EIF2AK1: variants seen among roughly 807,000 people sequenced by gnomAD.
The protein encoded by EIF2AK1 is eukaryotic translation initiation factor 2 alpha kinase 1.
Under a neutral mutation model 77.9 loss-of-function variants are expected in EIF2AK1, and 54 were observed. The ratio of observed to expected loss-of-function variants is 0.69; its 90% CI spans 0.56 to 0.87. EIF2AK1 has a LOEUF of 0.87. Among genes scored for constraint, EIF2AK1 ranks in the 40% least tolerant of loss-of-function variants. The probability of loss-of-function intolerance (pLI) is 0.00; values close to 1 mark genes in which losing one functional copy is unlikely to be tolerated. For synonymous variants in EIF2AK1, 314 were observed against 290.5 expected (o/e 1.08, Z -0.82); for missense variants, 810 against 768.6 (o/e 1.05, Z -0.64).
chr7:6,040,802 C>G, intron 9 of EIF2AK1, 90 bp downstream of exon 9: 1 of 1,094,124 alleles, frequency 9.1e-7, no homozygotes, highest in Non-Finnish European at 1.3e-6. Context: ...AGGGCAGAAG[C>G]GCCAGAGCTG....
intron 2 of EIF2AK1, among the ~76,000 whole-genome samples, chr7:6,053,106 G>A (rs1405037596): frequency 6.6e-6 from 1 of 152,086 alleles, no homozygotes; most frequent in African/African-American, 2.4e-5. Flanking sequence ...ATTGAAGTAG[G>A]GAAATCATTA....
Position 6,027,966 on chromosome 7 carries a change from G to A in EIF2AK1, c.1530+649C>T, listed in dbSNP as rs2128885049. On this transcript the variant is annotated intron_variant, in intron 13 of 14. Coordinates refer to ENST00000199389, the MANE Select transcript of EIF2AK1 (RefSeq NM_014413.4). The surrounding 1 kb of genome is among the most constrained non-coding windows in gnomAD (Gnocchi z 4.5). ...AAGTCACAGTTACATGGGAGGCTGA[G>A]GTGGGAGGATCACTTGAGCCCAGGA... 2.2e-6 allele frequency: 1 copy of A among 454,088 alleles called. No homozygotes were observed. The highest frequency in any genetic ancestry group is 4.4e-6 in the Non-Finnish European group (1 of 226,064). The allele number at this position is 454,088 out of a possible 1,614,324, so 28.1% of individuals were successfully genotyped here. A position where few individuals can be genotyped will look rare whatever the true frequency, so the allele number is the denominator to read the frequency against.
chr7:6,026,552 C>T, intron 14 of EIF2AK1, 176 bp downstream of exon 14: 1 of 713,994 alleles, frequency 1.4e-6, no homozygotes, highest in South Asian at 1.5e-5. Flanking sequence ...GTCCTGCCAG[C>T]ACACCCTGCA....
Position 6,059,122 on chromosome 7 carries a change from A to G in EIF2AK1, c.-39T>C, listed in dbSNP as rs943402384. 3 of 1,278,870 alleles carry G rather than the reference A, an allele frequency of 2.3e-6. No individual in the cohort carries two copies. In the African/African-American group the frequency reaches 4.7e-5, roughly 20 times the overall value. 79.2% of individuals were successfully genotyped at this position (1,278,870 alleles called of 1,614,324 possible). Reference sequence around the variant, plus strand: ...CGGGCCGCAGCCCAGCCCGCCGGCCAGCCCAGCACTGCCACACTCCGATGC... The same window carrying G: ...CGGGCCGCAGCCCAGCCCGCCGGCCGGCCCAGCACTGCCACACTCCGATGC... On this transcript the variant is annotated 5_prime_UTR_variant, in exon 1 of 15. Coordinates refer to ENST00000199389, the MANE Select transcript of EIF2AK1 (RefSeq NM_014413.4).
In EIF2AK1 at chr7:6,050,127, G is replaced by A. The variant is rs926551494; in HGVS notation, c.278-82C>T. ...TTAAAGTGTACACAGAGAATAACGT[G>A]TAATAATAGCAATATATACAAAAAC... is the stretch of plus-strand genomic sequence containing the variant. On this transcript the variant is annotated intron_variant, in intron 2 of 14. Coordinates refer to ENST00000199389, the MANE Select transcript of EIF2AK1 (RefSeq NM_014413.4). 5.4e-6 allele frequency: 6 copies of A among 1,115,894 alleles called. No homozygotes were observed. In the East Asian group the frequency reaches 1.0e-4, roughly 19 times the overall value. 69.1% of individuals were successfully genotyped at this position (1,115,894 alleles called of 1,614,324 possible). A position where few individuals can be genotyped will look rare whatever the true frequency, so the allele number is the denominator to read the frequency against.
chr7:6,048,045 T>C (rs1169718216), intron 4 of EIF2AK1: 1 of 152,190 alleles, frequency 6.6e-6, no homozygotes, highest in Non-Finnish European at 1.5e-5. Context: ...CTTAATGATG[T>C]AGACCAATTA....
At chr7:6,028,793 C>G in intron 12 of EIF2AK1, 96 bp from the exon 13 acceptor site, 1 of 1,418,438 alleles carries the variant, frequency 7.1e-7, no homozygotes, top group Admixed American at 1.8e-5. Context: ...CCTAAGAGAA[C>G]AACAGTTGCT....
chr7:6,023,525 G>A lies in EIF2AK1; in HGVS notation c.*1148C>T, dbSNP rs1490291771. The A allele has an allele frequency of 6.2e-7, 1 of 1,614,104 alleles. No homozygotes were observed. The highest frequency in any genetic ancestry group is 1.7e-5 in the Admixed American group (1 of 59,998). The stretch of plus-strand genomic sequence containing the variant: ...TCCATGAACTCTGCTCTTGGGAAGA[G>A]CCCTTGGCTCGCTGGGAATGAACTC... On this transcript the variant is annotated 3_prime_UTR_variant, in exon 15 of 15. Transcript: ENST00000199389.
chr7:6,024,690 C>T lies in EIF2AK1; in HGVS notation c.1876G>A (p.Asp626Asn), dbSNP rs761183364. The T allele has an allele frequency of 1.9e-6, 3 of 1,613,598 alleles. No homozygotes were observed. The South Asian group carries it at 3.3e-5, about 18-fold the overall frequency. ...GTCCACTTTCATCCCACGCCCCCAT[C>T]CTTTCCGTCATCCCTCACCCCTTTG... ...QDKGVRDDGK[D>N]GGVG is the part of the protein sequence containing the mutation. Residue 626 changes from aspartate to asparagine, a missense_variant, in exon 15 of 15, where the codon GAT becomes AAT. Transcript: ENST00000199389.
chr7:6,054,761 C>A, intron 1 of EIF2AK1, 57 bp from the exon 2 acceptor site: 1 of 1,476,946 alleles, frequency 6.8e-7, no homozygotes, highest in South Asian at 1.2e-5. Context: ...CTCATAATGA[C>A]AAAACCGTAT....
At chr7:6,055,800 G>T (rs113021284) in intron 1 of EIF2AK1, among the ~76,000 whole-genome samples, 3,956 of 151,170 alleles carry the variant, frequency 0.026, 183 homozygotes, top group African/African-American at 0.092. Context: ...GGCCAACATG[G>T]AGAAACCCTG....
At position 6,042,377 on chromosome 7, in the gene EIF2AK1, G is replaced by T. The variant is rs1287246764; in HGVS notation, c.791+556C>A. ...AAGTCAGGAGGATCGCTTAAACCTG[G>T]GAGGCAGAGGTTGCAGTGAGCTGAG... On this transcript the variant is annotated intron_variant, in intron 8 of 14. Coordinates refer to ENST00000199389, the MANE Select transcript of EIF2AK1 (RefSeq NM_014413.4). 2.6e-5 allele frequency among the ~76,000 whole-genome samples: 4 copies of T among 151,828 alleles called. No individual in the cohort carries two copies. The East Asian group carries it at 7.7e-4, about 29-fold the overall frequency.
intron 4 of EIF2AK1, among the ~76,000 whole-genome samples, chr7:6,048,498 C>A (rs1397870437): frequency 6.6e-6 from 1 of 152,086 alleles, no homozygotes; most frequent in Non-Finnish European, 1.5e-5. Flanking sequence ...TTAGGTCAGA[C>A]CAGTTAGATT....
intron 14 of EIF2AK1, among the ~76,000 whole-genome samples, chr7:6,026,099 C>G (rs531381081): frequency 6.6e-6 from 1 of 152,216 alleles, no homozygotes; most frequent in South Asian, 2.1e-4. Flanking sequence ...CTGTGTACTG[C>G]GCAGGGAATG....
Position 6,027,964 on chromosome 7 carries a change from G to A in EIF2AK1, c.1530+651C>T. ...TGAAGTCACAGTTACATGGGAGGCT[G>A]AGGTGGGAGGATCACTTGAGCCCAG... On this transcript the variant is annotated intron_variant, in intron 13 of 14. Coordinates refer to ENST00000199389, the MANE Select transcript of EIF2AK1 (RefSeq NM_014413.4). This position sits in a 1 kb window ranked among gnomAD's most constrained non-coding sequence, Gnocchi z 4.5. 1 of 454,058 alleles carries A rather than the reference G, an allele frequency of 2.2e-6. No individual in the cohort carries two copies. Among genetic ancestry groups the A allele is most frequent in the Middle Eastern group, 3.4e-4 (1 of 2,960 alleles). 28.1% of individuals were successfully genotyped at this position (454,058 alleles called of 1,614,324 possible).
chr7:6,035,734 T>C lies in EIF2AK1; in HGVS notation c.1332+1690A>G. ...GTCAATGCTATTAATGAAGCCAGCA[T>C]GACACCCCTTCACATGGCCGCAAAC... On this transcript the variant is annotated intron_variant, in intron 11 of 14. Transcript: ENST00000199389. This position sits in a 1 kb window ranked among gnomAD's most constrained non-coding sequence, Gnocchi z 5.5. The C allele has an allele frequency of 6.4e-7, 1 of 1,551,060 alleles. No homozygotes were observed. Among genetic ancestry groups the C allele is most frequent in the Non-Finnish European group, 8.7e-7 (1 of 1,147,100 alleles).
At chr7:6,042,811 A>C in intron 8 of EIF2AK1, 122 bp downstream of exon 8, 1 of 738,388 alleles carries the variant, frequency 1.4e-6, no homozygotes, top group South Asian at 1.8e-5. Context: ...GGTTGCAGTG[A>C]GCCAAGATTG....
At chr7:6,028,826 C>G (rs567407749) in intron 12 of EIF2AK1, 92 bp downstream of exon 12, 1 of 1,402,100 alleles carries the variant, frequency 7.1e-7, no homozygotes, top group East Asian at 2.3e-5. Context: ...CTTACCTTTG[C>G]TATTAAATCT....
At position 6,035,675 on chromosome 7, in the gene EIF2AK1, A is replaced by G; in HGVS notation, c.1332+1749T>C. On this transcript the variant is annotated intron_variant, in intron 11 of 14. Coordinates refer to ENST00000199389, the MANE Select transcript of EIF2AK1 (RefSeq NM_014413.4). The surrounding 1 kb of genome is among the most constrained non-coding windows in gnomAD (Gnocchi z 5.5). Reference sequence around the variant, plus strand: ...TGGCCATAGCATATGGTTGCTATCCAGTTCTCTCCATTTTGACCCAAAATG... The same window carrying G: ...TGGCCATAGCATATGGTTGCTATCCGGTTCTCTCCATTTTGACCCAAAATG... The G allele has an allele frequency of 1.3e-6, 2 of 1,550,728 alleles. No individual in the cohort carries two copies. The highest frequency in any genetic ancestry group is 1.7e-6 in the Non-Finnish European group (2 of 1,147,058).
Sources: gnomAD v4.1 joint callset for allele counts (sites outside exome capture counted in the v4.1 genomes callset) on GRCh38, gnomAD v4.1.1 for gene constraint, Gnocchi (gnomAD v3.1) non-coding constraint, MANE v1.5 for transcripts, NCBI Gene and HGNC (gene_info 2026-07-23, HGNC 2026-07-21) for gene names.